The following SART3 variants were observed in gnomAD, a reference collection of about 807,000 sequenced individuals.
The protein encoded by SART3 is HIV-1 Tat-interacting protein of 110kDa.
A neutral mutation model predicts 122.3 loss-of-function variants in SART3; 44 were observed. The ratio of observed to expected loss-of-function variants is 0.36; its 90% CI spans 0.28 to 0.46. The LOEUF (loss-of-function observed/expected upper bound fraction) is 0.46, where lower values mean the gene tolerates loss of function less well. SART3 is among the 20% of genes least tolerant of loss of function. The pLI is 1.00. For synonymous variants in SART3, 442 were observed against 454.0 expected (o/e 0.97, Z 0.34); for missense variants, 1,101 against 1,229.0 (o/e 0.90, Z 1.56).
rs201769893 is a variant in SART3, at chr12:108,540,051, AAGAT to A, written c.907-966_907-963del. ...TTCACAATCCTATTGTTGGCAAAGA[AAGAT>A]AGAAAAAAAGAGTCAAGAAGCCCAA... On this transcript the variant is annotated intron_variant, in intron 6 of 18. Coordinates refer to ENST00000546815, the MANE Select transcript of SART3 (RefSeq NM_014706.4). Among the ~76,000 whole-genome samples, 745 of 152,314 alleles carry A rather than the reference AAGAT, an allele frequency of 4.9e-3. 8 individuals are homozygous for A. Among genetic ancestry groups the A allele is most frequent in the African/African-American group, 0.016 (664 of 41,568 alleles).
intron 1 of SART3, among the ~76,000 whole-genome samples, chr12:108,551,062 C>T (rs568866711): frequency 3.3e-5 from 5 of 152,136 alleles, no homozygotes; most frequent in African/African-American, 7.2e-5. Flanking sequence ...TGGATAAAAA[C>T]ACAACCCAAC....
chr12:108,528,092 A>G (rs529620956), intron 15 of SART3, among the ~76,000 whole-genome samples: 83 of 152,156 alleles, frequency 5.5e-4, no homozygotes, highest in African/African-American at 1.9e-3. Context: ...ACCTTGACTG[A>G]CTCTCTGAAA....
At chr12:108,559,380 T>C (rs997572235) in intron 1 of SART3, among the ~76,000 whole-genome samples, 4 of 152,164 alleles carry the variant, frequency 2.6e-5, no homozygotes, top group Admixed American at 1.3e-4. Context: ...AAAAAGAGAA[T>C]GCGGGCCGGG....
chr12:108,535,539 C>G, intron 11 of SART3, 71 bp from the exon 12 acceptor site: 1 of 1,207,350 alleles, frequency 8.3e-7, no homozygotes, highest in East Asian at 2.3e-5. Flanking sequence ...CAACACACTT[C>G]CAACAGACAC....
chr12:108,549,600 G>C (rs2029911906), intron 1 of SART3, among the ~76,000 whole-genome samples: 1 of 151,990 alleles, frequency 6.6e-6, no homozygotes, highest in African/African-American at 2.4e-5. Flanking sequence ...GTCTTCCAAG[G>C]ATTTAAAAAA....
At chr12:108,543,222 C>A in intron 5 of SART3, 70 bp from the exon 6 acceptor site, 1 of 1,582,086 alleles carries the variant, frequency 6.3e-7, no homozygotes, top group South Asian at 1.1e-5. Flanking sequence ...CAGATTAAGC[C>A]ATGAGACTCA....
At position 108,537,500 on chromosome 12, in the gene SART3, C is replaced by T. The variant is rs1278269137; in HGVS notation, c.1297G>A (p.Asp433Asn). 6.2e-7 allele frequency: 1 copy of T among 1,612,850 alleles called. No individual in the cohort carries two copies. Among genetic ancestry groups the T allele is most frequent in the Admixed American group, 1.7e-5 (1 of 60,016 alleles). The change falls in exon 9 of 19, where the codon GAT (aspartate) becomes AAT (asparagine). Residue 433 changes from aspartate to asparagine, a missense_variant. Around this residue, in one of 2 missense-constraint regions of SART3, gnomAD observed 885 missense variants for 1,080.1 expected, o/e 0.82. Transcript: ENST00000546815. ...AYLDYLRRRVDFKQDSSKELE... is the reference protein window; with the variant it reads ...AYLDYLRRRVNFKQDSSKELE... ...TGTGCTTAAATACCTTGTTTGAAAT[C>T]AACCCTTCTCCTCAGGTAATCAAGG...
In SART3 at chr12:108,526,126, C is replaced by T; in HGVS notation, c.2343G>A (p.Val781=). The T allele has an allele frequency of 6.2e-7, 1 of 1,614,132 alleles. No homozygotes were observed. Among genetic ancestry groups the T allele is most frequent in the Non-Finnish European group, 8.5e-7 (1 of 1,180,000 alleles). ...TAAAATCGGGGTTTTTGCTCTTATCCACACAGGGGGAAACAAACATTGGCC... is the reference window on the plus strand; with the variant it reads ...TAAAATCGGGGTTTTTGCTCTTATCTACACAGGGGGAAACAAACATTGGCC... ...EGRPMFVSPC[V]DKSKNPDFKV... is the part of the protein sequence containing the mutation. Residue 781 remains valine, a synonymous_variant, in exon 16 of 19, where the codon GTG becomes GTA. Transcript: ENST00000546815.
chr12:108,537,835 T>C (rs1008644669), intron 8 of SART3: 7 of 680,234 alleles, frequency 1.0e-5, no homozygotes, highest in African/African-American at 3.6e-5. Flanking sequence ...CAAGGAAGTT[T>C]GGAGAAAACA....
At chr12:108,537,429 G>T in intron 9 of SART3, 59 bp downstream of exon 9, 2 of 1,352,210 alleles carry the variant, frequency 1.5e-6, no homozygotes, top group Non-Finnish European at 2.1e-6. Flanking sequence ...GGGACATCTC[G>T]CCAAAAGTTG....
Position 108,532,354 on chromosome 12 carries a change from G to C in SART3, c.1557-20C>G, listed in dbSNP as rs183034352. On this transcript the variant is annotated intron_variant, in intron 12 of 18. Coordinates refer to ENST00000546815, the MANE Select transcript of SART3 (RefSeq NM_014706.4). ...TGAGCTCTAAGGCAGAAAACAAAAA[G>C]TTGCTGCCACCAGGACACAAAGTGG... is the stretch of plus-strand genomic sequence containing the variant. The C allele has an allele frequency of 7.1e-4, 1,136 of 1,608,746 alleles. 3 individuals are homozygous for C. Among genetic ancestry groups the C allele is most frequent in the Non-Finnish European group, 7.5e-4 (878 of 1,176,274 alleles).
In SART3 at chr12:108,545,333, A is replaced by G. The variant is rs989299384; in HGVS notation, c.545-10T>C. ...AGCCAAATGTTAGGACCTAAAAATA[A>G]GAAGTGTTCAATTAGTTTGGGATAT... On this transcript the variant is annotated splice_polypyrimidine_tract_variant and intron_variant, in intron 3 of 18. Transcript: ENST00000546815. 1.1e-5 allele frequency: 17 copies of G among 1,613,868 alleles called. No individual in the cohort carries two copies. Among genetic ancestry groups the G allele is most frequent in the Admixed American group, 1.7e-5 (1 of 60,014 alleles).
chr12:108,526,201 C>A lies in SART3; in HGVS notation c.2268G>T (p.Glu756Asp), dbSNP rs756345310. 4.3e-6 allele frequency: 7 copies of A among 1,614,102 alleles called. No individual in the cohort carries two copies. The highest frequency in any genetic ancestry group is 5.9e-6 in the Non-Finnish European group (7 of 1,180,052). The change falls in exon 16 of 19, where the codon GAG becomes GAT. Residue 756 changes from glutamate to aspartate, a missense_variant. Around this residue, in one of 2 missense-constraint regions of SART3, gnomAD observed 885 missense variants for 1,080.1 expected, o/e 0.82. Transcript: ENST00000546815. ...RGYCYVEFKE[E>D]KSALQALEMD... ...TCTCCAGTGCCTGAAGGGCTGATTT[C>A]TCTTCTTTAAACTCCACGTAGCAGT... is the stretch of plus-strand genomic sequence containing the variant.
In SART3 at chr12:108,561,138, T is replaced by TC; in HGVS notation, c.16dup (p.Glu6GlyfsTer10). 1 of 1,613,178 alleles carries TC rather than the reference T, an allele frequency of 6.2e-7. No homozygotes were observed. Among genetic ancestry groups the TC allele is most frequent in the Non-Finnish European group, 8.5e-7 (1 of 1,179,166 alleles). The stretch of plus-strand genomic sequence containing the variant: ...AGCCTCGGGTTCTGAAGCCGAGGTT[T>TC]CGGCCGCAGTCGCCATCTTGCGCTT... On this transcript the variant is annotated frameshift_variant, in exon 1 of 19. Coordinates refer to ENST00000546815, the MANE Select transcript of SART3 (RefSeq NM_014706.4). LOFTEE classifies it high-confidence loss of function.
intron 5 of SART3, 83 bp downstream of exon 5, chr12:108,544,343 TG>T: frequency 8.5e-7 from 1 of 1,179,436 alleles, no homozygotes; most frequent in Non-Finnish European, 1.3e-6. Flanking sequence ...CACAGGATGG[TG>T]GGAAAGGTCT....
At chr12:108,545,967 CAAA>C (rs367848748) in intron 3 of SART3, among the ~76,000 whole-genome samples, 1 of 108,960 alleles carries the variant, frequency 9.2e-6, no homozygotes, top group African/African-American at 3.6e-5. Flanking sequence ...GACTCTCTCT[CAAA>C]AAAAAAAAAA....
In SART3 at chr12:108,525,491, AG is replaced by A; in HGVS notation, c.2488del (p.Leu830SerfsTer29). 6.2e-7 allele frequency: 1 copy of A among 1,614,210 alleles called. No individual in the cohort carries two copies. The highest frequency in any genetic ancestry group is 8.5e-7 in the Non-Finnish European group (1 of 1,180,032). On this transcript the variant is annotated frameshift_variant, in exon 17 of 19. Coordinates refer to ENST00000546815, the MANE Select transcript of SART3 (RefSeq NM_014706.4). LOFTEE classifies it high-confidence loss of function. ...GCCAGCCCGGTTGGTGACCAGCCTGAGGTCCTTCACGGTGCCATGAGCCTTA... is the reference window on the plus strand; with the variant it reads ...GCCAGCCCGGTTGGTGACCAGCCTGAGTCCTTCACGGTGCCATGAGCCTTA... The part of the protein sequence containing the change: ...ICKAHGTVKD[L>X]RLVTNRAGKP...
chr12:108,552,114 G>A (rs2030032119), intron 1 of SART3, among the ~76,000 whole-genome samples: 1 of 152,120 alleles, frequency 6.6e-6, no homozygotes, highest in Admixed American at 6.5e-5. Context: ...ATCAATAGAT[G>A]CAGAAAATGC....
chr12:108,545,398 A>G lies in SART3; in HGVS notation c.545-75T>C. ...TCAAAACTGATGCATAACAAACGAA[A>G]TGTGCCTACCAAAAAAGTACTCAGA... On this transcript the variant is annotated intron_variant, in intron 3 of 18. Transcript: ENST00000546815. 2 of 1,438,056 alleles carry G rather than the reference A, an allele frequency of 1.4e-6. 1 individual carries two copies. Among genetic ancestry groups the G allele is most frequent in the Non-Finnish European group, 1.9e-6 (2 of 1,026,436 alleles). 89.1% of individuals were successfully genotyped at this position (1,438,056 alleles called of 1,614,324 possible).
Sources: allele counts gnomAD v4.1 joint callset (sites outside exome capture counted in the v4.1 genomes callset), GRCh38; gene constraint gnomAD v4.1.1; regional missense constraint gnomAD v4.1.1; transcripts MANE v1.5; gene names NCBI Gene and HGNC (gene_info 2026-07-23, HGNC 2026-07-21).